HS3ST2: variants seen among roughly 807,000 people sequenced by gnomAD.
HS3ST2 encodes heparan sulfate glucosamine 3-O-sulfotransferase 2.
A neutral mutation model predicts 26.3 loss-of-function variants in HS3ST2; 17 were observed. That is an observed-to-expected ratio of 0.65 (90% CI 0.44 to 0.97). The LOEUF is 0.97. HS3ST2 is among the 50% of genes least tolerant of loss of function. The probability of loss-of-function intolerance (pLI) is 0.00; values close to 1 mark genes in which losing one functional copy is unlikely to be tolerated. For synonymous variants in HS3ST2, 237 were observed against 219.2 expected, an observed-to-expected ratio of 1.08 and a Z score of -0.72; for missense variants, 402 against 501.2, an observed-to-expected ratio of 0.80 and a Z score of 1.89.
intron 1 of HS3ST2, among the ~76,000 whole-genome samples, chr16:22,914,540 C>T (rs1390061110): frequency 1.3e-5 from 2 of 151,370 alleles, no homozygotes; most frequent in Admixed American, 1.3e-4. Context: ...CCCTGCTCTA[C>T]AAAAAATAGA....
At chr16:22,852,790 C>T (rs1459067716) in intron 1 of HS3ST2, among the ~76,000 whole-genome samples, 1 of 152,160 alleles carries the variant, frequency 6.6e-6, no homozygotes, top group African/African-American at 2.4e-5. Context: ...TTGATGGTGA[C>T]TCGTGTTCAC....
intron 1 of HS3ST2, among the ~76,000 whole-genome samples, chr16:22,837,447 G>A (rs1199346504): frequency 6.7e-6 from 1 of 150,146 alleles, no homozygotes; most frequent in Non-Finnish European, 1.5e-5. Context: ...TGAAACTGCC[G>A]ATAATACCAA....
intron 1 of HS3ST2, among the ~76,000 whole-genome samples, chr16:22,896,804 T>A (rs1902217456): frequency 6.6e-6 from 1 of 152,202 alleles, no homozygotes; most frequent in Admixed American, 6.5e-5. Context: ...CTCTTCTTTC[T>A]TTTTTTCTTT....
At chr16:22,869,391 GT>G (rs1441495972) in intron 1 of HS3ST2, among the ~76,000 whole-genome samples, 4 of 152,292 alleles carry the variant, frequency 2.6e-5, no homozygotes, top group Non-Finnish European at 5.9e-5. Context: ...CCAAGACTCA[GT>G]TCCCTGATTT....
chr16:22,862,665 G>T (rs1901696118), intron 1 of HS3ST2, among the ~76,000 whole-genome samples: 1 of 152,204 alleles, frequency 6.6e-6, no homozygotes, highest in Non-Finnish European at 1.5e-5. Context: ...CAGGTTGCCA[G>T]TCCGGGACAT....
intron 1 of HS3ST2, among the ~76,000 whole-genome samples, chr16:22,905,219 T>C (rs1384077911): frequency 6.6e-6 from 1 of 152,130 alleles, no homozygotes; most frequent in Admixed American, 6.5e-5. Context: ...TAATCAGTGG[T>C]GTGCCAGTTC....
chr16:22,853,013 C>G (rs924869242), intron 1 of HS3ST2, among the ~76,000 whole-genome samples: 2 of 151,996 alleles, frequency 1.3e-5, no homozygotes, highest in African/African-American at 4.8e-5. Flanking sequence ...ATCAGCTTAC[C>G]TTTTTCACCC....
intron 1 of HS3ST2, among the ~76,000 whole-genome samples, chr16:22,908,593 G>A (rs2141747757): frequency 6.6e-6 from 1 of 152,196 alleles, no homozygotes. Flanking sequence ...GGCAGCACAG[G>A]GCATTACATG....
intron 1 of HS3ST2, among the ~76,000 whole-genome samples, chr16:22,907,046 G>A (rs909126946): frequency 6.6e-5 from 10 of 152,166 alleles, no homozygotes; most frequent in African/African-American, 2.4e-4. Context: ...GTTTACAGAG[G>A]GTGTGTGTGA....
chr16:22,832,238 C>A (rs1901182231), intron 1 of HS3ST2, among the ~76,000 whole-genome samples: 1 of 150,662 alleles, frequency 6.6e-6, no homozygotes, highest in Non-Finnish European at 1.5e-5. Context: ...ATCAAGCAGT[C>A]CTCCCACTTC....
intron 1 of HS3ST2, among the ~76,000 whole-genome samples, chr16:22,873,219 C>A (rs568518430): frequency 6.6e-6 from 1 of 152,304 alleles, no homozygotes; most frequent in East Asian, 1.9e-4. Flanking sequence ...CAAAGCCTGG[C>A]TCCATCACTC....
chr16:22,814,619 T>TAG lies in HS3ST2; in HGVS notation c.10_11dup (p.Val5GlyfsTer119). ...CGCGGGCCCATGGAGCCATGGCCTATAGGGTCCTGGGCCGCGCGGGGCCAC... is the reference window on the plus strand; with the variant it reads ...CGCGGGCCCATGGAGCCATGGCCTATAGAGGGTCCTGGGCCGCGCGGGGCCAC... On this transcript the variant is annotated frameshift_variant, in exon 1 of 2. Transcript: ENST00000261374. LOFTEE classifies it high-confidence loss of function. The TAG allele has an allele frequency of 6.5e-7, 1 of 1,544,536 alleles. No homozygotes were observed. Among genetic ancestry groups the TAG allele is most frequent in the Non-Finnish European group, 8.7e-7 (1 of 1,146,228 alleles).
At chr16:22,866,963 A>G (rs1205260844) in intron 1 of HS3ST2, among the ~76,000 whole-genome samples, 1 of 152,196 alleles carries the variant, frequency 6.6e-6, no homozygotes, top group Non-Finnish European at 1.5e-5. Context: ...AACCCCTATG[A>G]AAAGAACACG....
At chr16:22,863,192 T>C (rs1246232993) in intron 1 of HS3ST2, among the ~76,000 whole-genome samples, 1 of 152,234 alleles carries the variant, frequency 6.6e-6, no homozygotes, top group Non-Finnish European at 1.5e-5. Flanking sequence ...TCCAGAATCT[T>C]GCCCTTTGGG....
Position 22,814,337 on chromosome 16 carries a change from G to T in HS3ST2, c.-274G>T, listed in dbSNP as rs1026988384. The T allele has an allele frequency of 2.2e-5, 8 of 371,544 alleles. No individual in the cohort carries two copies. The highest frequency in any genetic ancestry group is 8.9e-5 in the South Asian group (1 of 11,240). The allele number at this position is 371,544 out of a possible 1,614,324, so 23.0% of individuals were successfully genotyped here. A position where few individuals can be genotyped will look rare whatever the true frequency, so the allele number is the denominator to read the frequency against. ...CCGGCGCACGTAAGAGCCTGGGAGC[G>T]CCCGAGCCGCCCGGCTGCCCGGAGC... On this transcript the variant is annotated 5_prime_UTR_variant, in exon 1 of 2. Coordinates refer to ENST00000261374, the MANE Select transcript of HS3ST2 (RefSeq NM_006043.2).
intron 1 of HS3ST2, among the ~76,000 whole-genome samples, chr16:22,838,069 A>G (rs894080870): frequency 6.6e-6 from 1 of 152,188 alleles, no homozygotes; most frequent in Non-Finnish European, 1.5e-5. Flanking sequence ...AAAGTAAACA[A>G]TAGTGCAAGG....
At chr16:22,864,195 T>C (rs527439245) in intron 1 of HS3ST2, among the ~76,000 whole-genome samples, 1 of 152,300 alleles carries the variant, frequency 6.6e-6, no homozygotes, top group African/African-American at 2.4e-5. Flanking sequence ...GCATATAATT[T>C]CTTTTACTTC....
intron 1 of HS3ST2, among the ~76,000 whole-genome samples, chr16:22,831,200 T>G (rs547387353): frequency 2.0e-5 from 3 of 152,236 alleles, no homozygotes; most frequent in Non-Finnish European, 4.4e-5. Flanking sequence ...TAGATGACAT[T>G]TAAAGCCATA....
rs35724979 is a variant in HS3ST2, at chr16:22,871,354, CAA to C, written c.486-43577_486-43576del. Among the ~76,000 whole-genome samples the C allele has an allele frequency of 3.8e-3, 506 of 131,532 alleles. 2 individuals carry two copies. The highest frequency in any genetic ancestry group is 0.01 in the African/African-American group (375 of 36,718). 86.3% of individuals were successfully genotyped at this position (131,532 alleles called of 152,430 possible). A position where few individuals can be genotyped will look rare whatever the true frequency, so the allele number is the denominator to read the frequency against. On this transcript the variant is annotated intron_variant, in intron 1 of 1. Transcript: ENST00000261374. ...CTGGCGACAGAGCGACACTCTGTTT[CAA>C]AAAAAAAAAAAAGAGGGGTGGGGAG... is the stretch of plus-strand genomic sequence containing the variant.
Sources: allele counts gnomAD v4.1 joint callset (sites outside exome capture counted in the v4.1 genomes callset), GRCh38; gene constraint gnomAD v4.1.1; transcripts MANE v1.5; gene names NCBI Gene and HGNC (gene_info 2026-07-23, HGNC 2026-07-21).